Variants in TRIM65 observed in about 807,000 individuals in gnomAD.
TRIM65 encodes the protein tripartite motif containing 65, also known as E3 ubiquitin-protein ligase TRIM65.
In TRIM65, 46 loss-of-function variants were observed where a neutral mutation model predicts 36.1. The ratio of observed to expected loss-of-function variants is 1.27; its 90% CI spans 1.01 to 1.63. The LOEUF (loss-of-function observed/expected upper bound fraction) is 1.63. TRIM65 is among the 40% of genes most tolerant of loss of function. TRIM65 has a pLI of 0.00. For missense variants in TRIM65, 708 were observed against 696.6 expected (o/e 1.02, Z -0.18); for synonymous variants, 346 against 313.6 (o/e 1.10, Z -1.09).
In TRIM65 at chr17:75,889,569, CA is replaced by C. The variant is rs1205747478; in HGVS notation, c.*1209del. ...CCGACACCTGCACACACGGCTGCCC[CA>C]AAGTCCCACACCCAGGGGTGGGATG... On this transcript the variant is annotated 3_prime_UTR_variant, in exon 6 of 6. Transcript: ENST00000269383. The C allele has an allele frequency of 5.3e-5, 8 of 152,266 alleles. No individual in the cohort carries two copies. The highest frequency in any genetic ancestry group is 1.7e-4 in the African/African-American group (7 of 41,454). 9.4% of individuals were successfully genotyped at this position (152,266 alleles called of 1,614,324 possible).
chr17:75,884,571 G>A (rs1356665265), downstream of TRIM65, among the ~76,000 whole-genome samples: 2 of 152,080 alleles, frequency 1.3e-5, no homozygotes, highest in Admixed American at 6.6e-5. Context: ...TTCTTTTAGC[G>A]TCTGCCTCCA....
At chr17:75,892,674 C>T in intron 2 of TRIM65, 81 bp downstream of exon 2, 2 of 1,401,764 alleles carry the variant, frequency 1.4e-6, no homozygotes, top group Non-Finnish European at 2.0e-6. Context: ...TCCCTGCTGC[C>T]TGGTGTTCCA....
chr17:75,889,568 C>T lies in TRIM65; in HGVS notation c.*1211G>A, dbSNP rs1007027014. 1.3e-5 allele frequency: 2 copies of T among 152,200 alleles called. No homozygotes were observed. The highest frequency in any genetic ancestry group is 2.4e-5 in the African/African-American group (1 of 41,424). 9.4% of individuals were successfully genotyped at this position (152,200 alleles called of 1,614,324 possible). ...GCCGACACCTGCACACACGGCTGCC[C>T]CAAAGTCCCACACCCAGGGGTGGGA... On this transcript the variant is annotated 3_prime_UTR_variant, in exon 6 of 6. Transcript: ENST00000269383.
intron 1 of TRIM65, 36 bp from the exon 2 acceptor site, chr17:75,892,886 A>C: frequency 6.3e-7 from 1 of 1,580,814 alleles, no homozygotes; most frequent in Middle Eastern, 1.7e-4. Context: ...CAACAAGAGA[A>C]GGCCAGGATT....
Position 75,892,854 on chromosome 17 carries a change from T to C in TRIM65, c.415-4A>G. On this transcript the variant is annotated splice_region_variant and splice_polypyrimidine_tract_variant and intron_variant, in intron 1 of 5. Transcript: ENST00000269383. ...CCAGGCTGGCTCTCAGCTGGGCCTG[T>C]GGTGCGGGCCCACGGGACAAGCAAC... is the stretch of plus-strand genomic sequence containing the variant. 2.5e-6 allele frequency: 4 copies of C among 1,601,070 alleles called. No individual in the cohort carries two copies. The highest frequency in any genetic ancestry group is 2.2e-5 in the South Asian group (2 of 91,064).
At chr17:75,881,365 A>G (rs918337734) in intron 4 of TRIM65, among the ~76,000 whole-genome samples, 4 of 150,362 alleles carry the variant, frequency 2.7e-5, no homozygotes, top group Non-Finnish European at 5.9e-5. Flanking sequence ...CTGCTATCCC[A>G]GAACACCAGA....
In TRIM65 at chr17:75,892,512, C is replaced by G. The variant is rs554874088; in HGVS notation, c.511-12G>C. On this transcript the variant is annotated splice_polypyrimidine_tract_variant and intron_variant, in intron 2 of 5. Transcript: ENST00000269383. ...ATGCAGGCCGAGTTCTGGGCGGGAA[C>G]AGGAGGGGCTTCAGGGTGGCCAGGG... 2 of 1,610,574 alleles carry G rather than the reference C, an allele frequency of 1.2e-6. No homozygotes were observed. The highest frequency in any genetic ancestry group is 1.3e-5 in the African/African-American group (1 of 74,986).
downstream of TRIM65, among the ~76,000 whole-genome samples, chr17:75,887,735 AG>A (rs943697388): frequency 3.3e-5 from 5 of 151,918 alleles, no homozygotes; most frequent in Non-Finnish European, 1.5e-5. Flanking sequence ...GGAAGAAAAG[AG>A]GGGGGCCGGA....
At chr17:75,880,861 G>GA (rs1477267039) in intron 4 of TRIM65, among the ~76,000 whole-genome samples, 1 of 150,408 alleles carries the variant, frequency 6.6e-6, no homozygotes, top group Admixed American at 6.6e-5. Flanking sequence ...TGGGGGGTGG[G>GA]AAAATACCCT....
intron 4 of TRIM65, among the ~76,000 whole-genome samples, chr17:75,883,701 G>C (rs2144004205): frequency 6.6e-6 from 1 of 151,294 alleles, no homozygotes; most frequent in East Asian, 2.0e-4. Context: ...CTAATTTTTT[G>C]TATTTTTAGT....
chr17:75,888,594 G>T (rs1470971169), downstream of TRIM65, among the ~76,000 whole-genome samples: 1 of 152,332 alleles, frequency 6.6e-6, no homozygotes, highest in East Asian at 1.9e-4. Context: ...TATGAGGTGG[G>T]GACAGCAATG....
rs2065275580 is a variant in TRIM65, at chr17:75,892,040, G to T, written c.890C>A (p.Pro297Gln). The T allele has an allele frequency of 6.4e-7, 1 of 1,550,602 alleles. No homozygotes were observed. Among genetic ancestry groups the T allele is most frequent in the South Asian group, 1.2e-5 (1 of 84,004 alleles). Reference protein sequence around the residue: ...LLEEGSHPGAPAKPVDLAPVE... With the variant: ...LLEEGSHPGAQAKPVDLAPVE... The stretch of plus-strand genomic sequence containing the variant: ...GGGGGCTAAGTCCACAGGCTTGGCT[G>T]GTGCCCCAGGGTGGCTCCCCTCTTC... Residue 297 changes from proline (P) to glutamine (Q), a missense_variant, in exon 4 of 6, where the codon CCA (proline) becomes CAA (glutamine). Physicochemically the swap from Pro to Gln is moderately conservative, Grantham distance 76. Transcript: ENST00000269383.
At chr17:75,882,461 G>A (rs746802950) in intron 4 of TRIM65, among the ~76,000 whole-genome samples, 14 of 150,514 alleles carry the variant, frequency 9.3e-5, no homozygotes, top group Non-Finnish European at 1.2e-4. Flanking sequence ...TGCCTGCCTC[G>A]GCCTCCCAAA....
Position 75,892,411 on chromosome 17 carries a change from C to A in TRIM65, c.600G>T (p.Arg200Ser). ...CCTGCGTCTTGGCCACCTCGATGCT[C>A]CTCAGTGCTGTCGTGTGCTGTATTT... ...ALEIQHTTALRSIEVAKTQAL... is the reference protein window; with the variant it reads ...ALEIQHTTALSSIEVAKTQAL... The change falls in exon 3 of 6, where the codon AGG becomes AGT. Residue 200 changes from arginine (R) to serine (S), a missense_variant. By Grantham distance (110) the Arg-to-Ser change is moderately radical. Transcript: ENST00000269383. 6.2e-7 allele frequency: 1 copy of A among 1,614,112 alleles called. No individual in the cohort carries two copies. The highest frequency in any genetic ancestry group is 2.2e-5 in the East Asian group (1 of 44,882).
chr17:75,892,616 C>T (rs1442171810), intron 2 of TRIM65, 116 bp from the exon 3 acceptor site: 19 of 1,225,244 alleles, frequency 1.6e-5, no homozygotes, highest in Non-Finnish European at 1.9e-5. Context: ...GGCAGGGTCC[C>T]GGGAACCTCC....
intron 1 of TRIM65, among the ~76,000 whole-genome samples, chr17:75,895,588 G>C (rs2065334671): frequency 1.3e-5 from 2 of 152,132 alleles, no homozygotes; most frequent in Admixed American, 6.5e-5. Flanking sequence ...TGCCTAGAAT[G>C]CTCTTCCCCA....
chr17:75,890,982 G>A lies in TRIM65; in HGVS notation c.1351C>T (p.Leu451=). ...QRLPGVSGRL[L]GMDLDLASGC... ...GAGGCCAGGTCCAAATCCATGCCCA[G>A]GAGCCGCCCTGACACCCCTGGGAGG... The change falls in exon 6 of 6, where the codon CTG becomes TTG. Residue 451 remains leucine, a synonymous_variant. Transcript: ENST00000269383. 2 of 1,575,172 alleles carry A rather than the reference G, an allele frequency of 1.3e-6. No homozygotes were observed. The highest frequency in any genetic ancestry group is 1.7e-6 in the Non-Finnish European group (2 of 1,160,910).
chr17:75,883,126 T>TC (rs1443928392), intron 4 of TRIM65, among the ~76,000 whole-genome samples: 1 of 149,378 alleles, frequency 6.7e-6, no homozygotes, highest in Non-Finnish European at 1.5e-5. Flanking sequence ...TATGCTTTTT[T>TC]TTTTTTTTTT....
chr17:75,885,133 G>A (rs2065197843), downstream of TRIM65, among the ~76,000 whole-genome samples: 1 of 151,494 alleles, frequency 6.6e-6, no homozygotes, highest in African/African-American at 2.4e-5. Flanking sequence ...TCACCATATT[G>A]GCCAGGTTGG....
Sources: gnomAD v4.1 joint callset for allele counts (sites outside exome capture counted in the v4.1 genomes callset) on GRCh38, gnomAD v4.1.1 for gene constraint, MANE v1.5 for transcripts, NCBI Gene and HGNC (gene_info 2026-07-23, HGNC 2026-07-21) for gene names.